The following RGS6 variants were observed in gnomAD, a reference collection of about 807,000 sequenced individuals.
RGS6 encodes the protein regulator of G protein signaling 6.
A neutral mutation model predicts 78.5 loss-of-function variants in RGS6; 30 were observed. That is an observed-to-expected ratio of 0.38 (90% confidence interval 0.29 to 0.52). RGS6 has a LOEUF of 0.52. RGS6 is among the 20% of genes least tolerant of loss of function. RGS6 has a pLI of 0.85. For missense variants in RGS6, 495 were observed against 609.7 expected (o/e 0.81, Z 1.98); for synonymous variants, 206 against 206.0 (o/e 1.00, Z 0.00).
At position 71,981,992 on chromosome 14, in the gene RGS6, G is replaced by T. The variant is rs1281522755; in HGVS notation, c.84+17117G>T. On this transcript the variant is annotated intron_variant, in intron 2 of 17. Coordinates refer to ENST00000553525, the MANE Select transcript of RGS6 (RefSeq NM_001204424.2). ...GGTGTGGGATATAATCTCGTGGTGC[G>T]CCGTTTTTTAAGCCCGTCGGAAAAG... Among the ~76,000 whole-genome samples, 3 of 150,692 alleles carry T rather than the reference G, an allele frequency of 2.0e-5. No homozygotes were observed. In the East Asian group the frequency reaches 5.8e-4, roughly 29 times the overall value.
intron 3 of RGS6, among the ~76,000 whole-genome samples, chr14:72,394,464 A>G (rs1176984434): frequency 6.6e-6 from 1 of 152,206 alleles, no homozygotes. Context: ...TATCAACCGT[A>G]AAAGACAGAC....
chr14:72,176,109 G>A (rs1473973948), intron 2 of RGS6, among the ~76,000 whole-genome samples: 2 of 152,200 alleles, frequency 1.3e-5, no homozygotes, highest in Non-Finnish European at 2.9e-5. Flanking sequence ...CTGAGTCCCT[G>A]TGATTTTTCC....
intron 3 of RGS6, among the ~76,000 whole-genome samples, chr14:72,416,970 G>C (rs1341205344): frequency 6.6e-6 from 1 of 152,112 alleles, no homozygotes; most frequent in Non-Finnish European, 1.5e-5. Context: ...CCTGGCACAG[G>C]GTATGCCTTA....
At chr14:72,302,564 C>T (rs2066313102) in intron 2 of RGS6, among the ~76,000 whole-genome samples, 2 of 152,144 alleles carry the variant, frequency 1.3e-5, no homozygotes, top group South Asian at 4.1e-4. Flanking sequence ...CTCATATCTC[C>T]TCTGATGTTT....
At chr14:72,414,989 A>C (rs895131878) in intron 3 of RGS6, among the ~76,000 whole-genome samples, 19 of 152,028 alleles carry the variant, frequency 1.2e-4, no homozygotes, top group African/African-American at 3.4e-4. Flanking sequence ...CAGTTAGGCT[A>C]CTCGGGGGTC....
intron 3 of RGS6, among the ~76,000 whole-genome samples, chr14:72,377,979 A>G (rs1159579658): frequency 1.3e-5 from 2 of 152,184 alleles, no homozygotes; most frequent in East Asian, 1.9e-4. Flanking sequence ...GTGAGACTCT[A>G]TCTCCAAAAA....
chr14:72,512,081 G>A (rs966183466), intron 14 of RGS6, among the ~76,000 whole-genome samples: 13 of 152,036 alleles, frequency 8.6e-5, no homozygotes, highest in Non-Finnish European at 1.9e-4. Context: ...TGGTCCCTAT[G>A]AGCCACCCCT....
intron 2 of RGS6, among the ~76,000 whole-genome samples, chr14:72,179,088 A>C (rs555040118): frequency 6.6e-6 from 1 of 152,378 alleles, no homozygotes; most frequent in South Asian, 2.1e-4. Context: ...ATCTGGCCCA[A>C]GATTTTCTCT....
chr14:72,624,848 A>G, the RGS6 span, among the ~76,000 whole-genome samples: 10 of 152,330 alleles, frequency 6.6e-5, no homozygotes, highest in East Asian at 5.8e-4. Context: ...CCACATATGC[A>G]TACATTTTTT....
intron 14 of RGS6, chr14:72,516,678 C>T (rs2096949392): frequency 6.5e-6 from 1 of 152,718 alleles, no homozygotes; most frequent in African/African-American, 2.4e-5. Flanking sequence ...AGCTCCCCCT[C>T]ACAGGACCTG....
At chr14:71,992,308 C>T (rs141938437) in intron 2 of RGS6, among the ~76,000 whole-genome samples, 45 of 152,352 alleles carry the variant, frequency 3.0e-4, no homozygotes, top group African/African-American at 1.1e-3. Flanking sequence ...GTTGGGATTA[C>T]AGGCGTGAGC....
intron 13 of RGS6, among the ~76,000 whole-genome samples, chr14:72,499,938 G>A (rs114300415): frequency 0.021 from 3,134 of 152,250 alleles, 89 homozygotes; most frequent in African/African-American, 0.066. Context: ...GGCATACAGC[G>A]GGCACCGTGT....
chr14:71,926,316 G>C, the RGS6 span, among the ~76,000 whole-genome samples: 1 of 152,218 alleles, frequency 6.6e-6, no homozygotes, highest in Admixed American at 6.5e-5. Flanking sequence ...GGGCACAGTG[G>C]CCCATGCCTG....
chr14:72,297,074 T>C (rs1008087461), intron 2 of RGS6, among the ~76,000 whole-genome samples: 5 of 152,162 alleles, frequency 3.3e-5, no homozygotes, highest in African/African-American at 1.2e-4. Context: ...TTTGTTGAAA[T>C]TGATTTGGCC....
At chr14:72,546,412 G>A (rs1025786621) in intron 17 of RGS6, among the ~76,000 whole-genome samples, 3 of 152,128 alleles carry the variant, frequency 2.0e-5, no homozygotes, top group African/African-American at 7.2e-5. Flanking sequence ...CAGGAGTCTC[G>A]AGACTTTTAT....
intron 15 of RGS6, among the ~76,000 whole-genome samples, chr14:72,521,413 C>T (rs562602891): frequency 6.6e-6 from 1 of 152,324 alleles, no homozygotes; most frequent in Admixed American, 6.5e-5. Flanking sequence ...GTCTCTACTT[C>T]AAGAAAGTTT....
At chr14:72,370,996 T>A (rs2083404664) in intron 3 of RGS6, among the ~76,000 whole-genome samples, 1 of 152,230 alleles carries the variant, frequency 6.6e-6, no homozygotes, top group African/African-American at 2.4e-5. Context: ...GTTTCATAAG[T>A]TTATTTCCAA....
chr14:72,540,980 C>T (rs1052369716), intron 17 of RGS6: 1 of 1,265,718 alleles, frequency 7.9e-7, no homozygotes, highest in African/African-American at 1.5e-5. Flanking sequence ...ACAACACAGG[C>T]CAATCTCCTC....
At chr14:72,248,815 T>G (rs1047150756) in intron 2 of RGS6, among the ~76,000 whole-genome samples, 4 of 152,234 alleles carry the variant, frequency 2.6e-5, no homozygotes, top group African/African-American at 9.6e-5. Flanking sequence ...TTTAGTAAGA[T>G]CACTAGGTAA....
Sources: allele counts gnomAD v4.1 joint callset (sites outside exome capture counted in the v4.1 genomes callset), GRCh38; gene constraint gnomAD v4.1.1; transcripts MANE v1.5; gene names NCBI Gene and HGNC (gene_info 2026-07-23, HGNC 2026-07-21).